TUSC3: variants seen among roughly 807,000 people sequenced by gnomAD.
The protein encoded by TUSC3 is dolichyl-diphosphooligosaccharide--protein glycosyltransferase subunit TUSC3.
Under a neutral mutation model 44.8 loss-of-function variants are expected in TUSC3, and 45 were observed. The observed-to-expected ratio is 1.00, with a 90% confidence interval of 0.79 to 1.29. The LOEUF (loss-of-function observed/expected upper bound fraction) is 1.29, where lower values mean the gene tolerates loss of function less well. Ranked by LOEUF, TUSC3 falls within the 50% of genes most tolerant of loss-of-function variation. TUSC3 has a pLI of 0.00. For synonymous variants in TUSC3, 212 were observed against 152.9 expected, an observed-to-expected ratio of 1.39 and a Z score of -2.85; for missense variants, 519 against 437.9, an observed-to-expected ratio of 1.19 and a Z score of -1.65.
Position 15,436,778 on chromosome 8 carries a change from A to G in TUSC3, n.91+19473A>G, listed in dbSNP as rs945570889. On this transcript the variant is annotated intron_variant and non_coding_transcript_variant, in intron 1 of 5. Transcript: ENST00000503191. ...TGCAAGTGTCACTCACCTCATTCACAGCTGTAAGACTGTCTTACAGATTAA... is the reference window on the plus strand; with the variant it reads ...TGCAAGTGTCACTCACCTCATTCACGGCTGTAAGACTGTCTTACAGATTAA... Among the ~76,000 whole-genome samples, 11 of 152,326 alleles carry G rather than the reference A, an allele frequency of 7.2e-5. No individual in the cohort carries two copies. The South Asian group carries it at 1.0e-3, about 14-fold the overall frequency.
intron 9 of TUSC3, among the ~76,000 whole-genome samples, chr8:15,752,604 T>C (rs1222991652): frequency 1.3e-5 from 2 of 152,124 alleles, no homozygotes; most frequent in African/African-American, 4.8e-5. Context: ...ATCATATCAC[T>C]GAAATTCATT....
chr8:15,560,979 C>T (rs1255554518), intron 1 of TUSC3, among the ~76,000 whole-genome samples: 8 of 124,852 alleles, frequency 6.4e-5, no homozygotes, highest in Non-Finnish European at 1.2e-4. Context: ...GTAATTTGAT[C>T]GTCTGAAGCC....
chr8:15,459,242 T>C (rs1163726163), intron 1 of TUSC3, among the ~76,000 whole-genome samples: 1 of 152,196 alleles, frequency 6.6e-6, no homozygotes, highest in East Asian at 1.9e-4. Context: ...TTAGTTTATA[T>C]CCAATAATGG....
At chr8:15,641,569 A>G (rs987851617) in intron 2 of TUSC3, among the ~76,000 whole-genome samples, 1 of 152,180 alleles carries the variant, frequency 6.6e-6, no homozygotes, top group African/African-American at 2.4e-5. Context: ...CAAGGTTTGC[A>G]TACTCCTTTG....
the TUSC3 span, among the ~76,000 whole-genome samples, chr8:15,788,931 G>T: frequency 9.2e-5 from 14 of 152,150 alleles, no homozygotes; most frequent in African/African-American, 2.4e-4. Flanking sequence ...TCATTGGCAG[G>T]TGTTAGATTA....
intron 1 of TUSC3, among the ~76,000 whole-genome samples, chr8:15,583,981 T>C (rs984739328): frequency 1.3e-5 from 2 of 152,220 alleles, no homozygotes; most frequent in African/African-American, 4.8e-5. Context: ...ATAGTGTCAG[T>C]TGTTTGTCCT....
chr8:15,801,733 G>C, the TUSC3 span, among the ~76,000 whole-genome samples: 103 of 152,248 alleles, frequency 6.8e-4, 1 homozygote, highest in African/African-American at 2.4e-3. Flanking sequence ...CCCTTGCTGG[G>C]CTCAGAGGGG....
intron 2 of TUSC3, among the ~76,000 whole-genome samples, chr8:15,498,591 G>A (rs537923038): frequency 6.6e-6 from 1 of 152,260 alleles, no homozygotes; most frequent in African/African-American, 2.4e-5. Flanking sequence ...AATTGCACAA[G>A]TGCAGATGTG....
chr8:15,688,162 T>A (rs1435198017), intron 6 of TUSC3, among the ~76,000 whole-genome samples: 1 of 152,142 alleles, frequency 6.6e-6, no homozygotes, highest in Non-Finnish European at 1.5e-5. Context: ...ACCAAAGATA[T>A]TATTTTCATC....
chr8:15,450,494 A>C (rs1369366787), intron 1 of TUSC3, among the ~76,000 whole-genome samples: 1 of 152,068 alleles, frequency 6.6e-6, no homozygotes, highest in Admixed American at 6.5e-5. Context: ...GCCCAGCCTG[A>C]CCAAGATGGT....
chr8:15,423,084 T>C (rs1350305301), intron 1 of TUSC3, among the ~76,000 whole-genome samples: 2 of 152,176 alleles, frequency 1.3e-5, no homozygotes, highest in African/African-American at 4.8e-5. Context: ...GGTGGAAATG[T>C]TAAAAGTTTT....
At chr8:15,739,654 A>G (rs1258008198) in intron 7 of TUSC3, among the ~76,000 whole-genome samples, 2 of 152,206 alleles carry the variant, frequency 1.3e-5, no homozygotes, top group Non-Finnish European at 2.9e-5. Flanking sequence ...ACTTATTTGT[A>G]AAATCTGGAA....
At chr8:15,760,701 A>G (rs768517915) in intron 10 of TUSC3, among the ~76,000 whole-genome samples, 4 of 152,194 alleles carry the variant, frequency 2.6e-5, no homozygotes, top group Non-Finnish European at 5.9e-5. Flanking sequence ...CTGCTTTTGC[A>G]CTACGACAGT....
chr8:15,609,734 C>A (rs776337010), intron 1 of TUSC3, among the ~76,000 whole-genome samples: 1 of 149,478 alleles, frequency 6.7e-6, no homozygotes, highest in African/African-American at 2.5e-5. Context: ...GAAAAATTGT[C>A]AGGAGGACAA....
At chr8:15,685,667 G>C (rs1188112282) in intron 6 of TUSC3, among the ~76,000 whole-genome samples, 2 of 152,000 alleles carry the variant, frequency 1.3e-5, no homozygotes, top group African/African-American at 4.8e-5. Context: ...TGTACACTTG[G>C]GGGAAACACT....
chr8:15,824,770 T>A, the TUSC3 span, among the ~76,000 whole-genome samples: 1 of 152,192 alleles, frequency 6.6e-6, no homozygotes, highest in South Asian at 2.1e-4. Flanking sequence ...CCTATGAAGA[T>A]GTTCACTGTC....
chr8:15,543,972 C>T (rs1368268704), intron 1 of TUSC3, among the ~76,000 whole-genome samples: 2 of 151,728 alleles, frequency 1.3e-5, no homozygotes, highest in Non-Finnish European at 2.9e-5. Context: ...TACACATATG[C>T]TTCTTCGTGA....
At chr8:15,573,906 G>A (rs937537085) in intron 1 of TUSC3, among the ~76,000 whole-genome samples, 1 of 152,054 alleles carries the variant, frequency 6.6e-6, no homozygotes, top group Non-Finnish European at 1.5e-5. Flanking sequence ...GGGGTGATAG[G>A]AGGGGGAGAG....
intron 6 of TUSC3, among the ~76,000 whole-genome samples, chr8:15,696,332 G>C (rs1809164265): frequency 6.6e-6 from 1 of 152,158 alleles, no homozygotes; most frequent in Non-Finnish European, 1.5e-5. Context: ...GCTTCCATGT[G>C]GTTCCTGTGA....
Sources: gnomAD v4.1 joint callset for allele counts (sites outside exome capture counted in the v4.1 genomes callset) on GRCh38, gnomAD v4.1.1 for gene constraint, MANE v1.5 for transcripts, NCBI Gene and HGNC (gene_info 2026-07-23, HGNC 2026-07-21) for gene names.